The following TNNI3K variants were observed in gnomAD, a reference collection of about 807,000 sequenced individuals.
TNNI3K encodes serine/threonine-protein kinase TNNI3K.
A neutral mutation model predicts 114.5 loss-of-function variants in TNNI3K; 140 were observed. The ratio of observed to expected loss-of-function variants is 1.22; its 90% confidence interval spans 1.07 to 1.41. The LOEUF (loss-of-function observed/expected upper bound fraction) is 1.41. TNNI3K is among the 40% of genes most tolerant of loss of function. The probability of loss-of-function intolerance (pLI) is 0.00; values close to 1 mark genes in which losing one functional copy is unlikely to be tolerated. For missense variants in TNNI3K, 1,125 were observed against 1,007.6 expected, an observed-to-expected ratio of 1.12 and a Z score of -1.58; for synonymous variants, 347 against 347.5, an observed-to-expected ratio of 1.00 and a Z score of 0.02.
chr1:74,352,741 C>T (rs1390004256), intron 9 of TNNI3K, among the ~76,000 whole-genome samples: 1 of 152,202 alleles, frequency 6.6e-6, no homozygotes, highest in Admixed American at 6.5e-5. Context: ...ATGAGCGAGG[C>T]TCCGTGGGCA....
Position 74,439,513 on chromosome 1 carries a change from GGT to G in TNNI3K, c.1905_1906del (p.Phe636HisfsTer71), listed in dbSNP as rs1666282143. The G allele has an allele frequency of 1.2e-6, 2 of 1,613,198 alleles. No homozygotes were observed. The highest frequency in any genetic ancestry group is 1.7e-6 in the Non-Finnish European group (2 of 1,179,572). ...PGNLRWMAPE[V>X]FTQCTRYTIK... Reference sequence around the variant, plus strand: ...AGAACCTCCGTTGGATGGCTCCTGAGGTGTTCACGCAGTGCACTCGGTACACC... The same window carrying G: ...AGAACCTCCGTTGGATGGCTCCTGAGGTTCACGCAGTGCACTCGGTACACC... On this transcript the variant is annotated frameshift_variant, in exon 20 of 25. Coordinates refer to ENST00000326637, the MANE Select transcript of TNNI3K (RefSeq NM_015978.3). LOFTEE classifies it high-confidence loss of function.
chr1:74,481,055 C>G (rs973148564), intron 21 of TNNI3K: 1 of 610,702 alleles, frequency 1.6e-6, no homozygotes, highest in African/African-American at 1.9e-5. Context: ...TCAATATCCT[C>G]TGAGCAATCT....
chr1:74,537,375 G>A (rs1646672723), intron 23 of TNNI3K, among the ~76,000 whole-genome samples: 1 of 152,060 alleles, frequency 6.6e-6, no homozygotes, highest in Admixed American at 6.6e-5. Flanking sequence ...TCCCATTTAA[G>A]CCAATACTTT....
intron 5 of TNNI3K, among the ~76,000 whole-genome samples, chr1:74,296,583 T>C (rs957693799): frequency 1.3e-5 from 2 of 152,178 alleles, no homozygotes; most frequent in African/African-American, 4.8e-5. Flanking sequence ...TCCTTTAACA[T>C]GTTCTTGAAT....
intron 23 of TNNI3K, among the ~76,000 whole-genome samples, chr1:74,538,404 T>C (rs1255254679): frequency 1.3e-5 from 2 of 152,108 alleles, no homozygotes; most frequent in African/African-American, 2.4e-5. Flanking sequence ...TATTAAATGC[T>C]CCAAAAACTC....
At chr1:74,367,137 T>A in intron 11 of TNNI3K, 119 bp from the exon 12 acceptor site, 2 of 932,306 alleles carry the variant, frequency 2.1e-6, no homozygotes, top group South Asian at 3.3e-5. Context: ...TTGCAATACA[T>A]TACCTCTTAT....
chr1:74,303,676 T>C (rs1370289219), intron 5 of TNNI3K, among the ~76,000 whole-genome samples: 1 of 152,242 alleles, frequency 6.6e-6, no homozygotes, highest in African/African-American at 2.4e-5. Flanking sequence ...ACTTTCAAGT[T>C]TCATTATTTA....
chr1:74,251,924 A>G (rs1285116290), intron 4 of TNNI3K, among the ~76,000 whole-genome samples: 2 of 152,212 alleles, frequency 1.3e-5, no homozygotes, highest in East Asian at 3.8e-4. Flanking sequence ...AATTGTCTTT[A>G]GTACCTGTTA....
intron 4 of TNNI3K, among the ~76,000 whole-genome samples, chr1:74,257,669 T>TTTC (rs2100864038): frequency 7.4e-6 from 1 of 134,794 alleles, no homozygotes; most frequent in East Asian, 2.1e-4. Context: ...ACCTCTTTTT[T>TTTC]TTTTTTTTTT....
At chr1:74,276,170 AT>A (rs1656670553) in intron 5 of TNNI3K, among the ~76,000 whole-genome samples, 1 of 152,126 alleles carries the variant, frequency 6.6e-6, no homozygotes, top group Admixed American at 6.6e-5. Context: ...TGACATCCAA[AT>A]TTTCAAGTGG....
chr1:74,370,349 C>G lies in TNNI3K; in HGVS notation c.1729C>G (p.Leu577Val), dbSNP rs201010209. The change falls in exon 17 of 25, where the codon CTT (leucine) becomes GTT (valine). Residue 577 changes from leucine to valine, a missense_variant. Transcript: ENST00000326637. ...AVDVAKGMEY[L>V]HNLTQPIIHR... is the part of the protein sequence containing the mutation. ...AGATGTTGCCAAAGGCATGGAGTAC[C>G]TTCACAACCTGACACAGCCAATTAT... The G allele has an allele frequency of 2.1e-5, 33 of 1,607,728 alleles. No homozygotes were observed. Among genetic ancestry groups the G allele is most frequent in the Non-Finnish European group, 2.7e-5 (32 of 1,176,348 alleles).
chr1:74,460,027 C>T (rs1453207109), intron 20 of TNNI3K, among the ~76,000 whole-genome samples: 1 of 152,034 alleles, frequency 6.6e-6, no homozygotes, highest in Non-Finnish European at 1.5e-5. Context: ...GTCACACTAG[C>T]CACATTTTAA....
At chr1:74,308,616 TTAACC>T (rs1437829125) in intron 5 of TNNI3K, among the ~76,000 whole-genome samples, 3 of 151,716 alleles carry the variant, frequency 2.0e-5, no homozygotes, top group Non-Finnish European at 2.9e-5. Flanking sequence ...AAACAAGAAC[TTAACC>T]TAAAGATAGA....
At chr1:74,288,248 T>C (rs1657452539) in intron 5 of TNNI3K, among the ~76,000 whole-genome samples, 1 of 152,130 alleles carries the variant, frequency 6.6e-6, no homozygotes, top group Non-Finnish European at 1.5e-5. Flanking sequence ...ATATTGAAGA[T>C]ATATCTGCAT....
Position 74,518,873 on chromosome 1 carries a change from C to CTTTTTTTTTTTTTTT in TNNI3K, c.2352-21361_2352-21360insTTTTTTTTTTTTTTT, listed in dbSNP as rs1646388103. Among the ~76,000 whole-genome samples the CTTTTTTTTTTTTTTT allele has an allele frequency of 1.3e-4, 13 of 100,356 alleles. 3 individuals are homozygous for CTTTTTTTTTTTTTTT. Among genetic ancestry groups the CTTTTTTTTTTTTTTT allele is most frequent in the Admixed American group, 2.1e-4 (2 of 9,608 alleles). 65.8% of individuals were successfully genotyped at this position (100,356 alleles called of 152,430 possible). A position where few individuals can be genotyped will look rare whatever the true frequency, so the allele number is the denominator to read the frequency against. ...TTTTATTTTATTTTATTTTTTTTCCCCTTTTTTTTTTTTTTTTTTTTATTA... is the reference window on the plus strand; with the variant it reads ...TTTTATTTTATTTTATTTTTTTTCCCTTTTTTTTTTTTTTTCTTTTTTTTTTTTTTTTTTTTATTA... On this transcript the variant is annotated intron_variant, in intron 23 of 24. Coordinates refer to ENST00000326637, the MANE Select transcript of TNNI3K (RefSeq NM_015978.3).
At chr1:74,237,232 A>G (rs899806601) in intron 2 of TNNI3K, among the ~76,000 whole-genome samples, 2 of 151,998 alleles carry the variant, frequency 1.3e-5, no homozygotes, top group African/African-American at 4.8e-5. Flanking sequence ...GATGAACTCA[A>G]CACTGACACT....
Position 74,351,065 on chromosome 1 carries a change from T to G in TNNI3K, c.933-2201T>G, listed in dbSNP as rs1460516189. Among the ~76,000 whole-genome samples, 6 of 151,542 alleles carry G rather than the reference T, an allele frequency of 4.0e-5. No individual in the cohort carries two copies. In the South Asian group the frequency reaches 1.3e-3, roughly 32 times the overall value. Reference sequence around the variant, plus strand: ...TGATGCAGTTTCTTCCTAGCCTTGATGGTCTTTACAATTTGGCATGTTTTT... The same window carrying G: ...TGATGCAGTTTCTTCCTAGCCTTGAGGGTCTTTACAATTTGGCATGTTTTT... On this transcript the variant is annotated intron_variant, in intron 9 of 24. Transcript: ENST00000326637.
intron 17 of TNNI3K, among the ~76,000 whole-genome samples, chr1:74,412,184 T>C (rs1317085358): frequency 6.6e-6 from 1 of 152,120 alleles, no homozygotes; most frequent in East Asian, 1.9e-4. Flanking sequence ...CACATCTAAT[T>C]AAATCTCTGA....
chr1:74,238,321 C>T (rs1323919819), intron 2 of TNNI3K, among the ~76,000 whole-genome samples: 3 of 151,850 alleles, frequency 2.0e-5, no homozygotes, highest in Admixed American at 2.0e-4. Context: ...TCCTCATTTT[C>T]ATCTATAAAA....
Sources: allele counts gnomAD v4.1 joint callset (sites outside exome capture counted in the v4.1 genomes callset), GRCh38; gene constraint gnomAD v4.1.1; transcripts MANE v1.5; gene names NCBI Gene and HGNC (gene_info 2026-07-23, HGNC 2026-07-21).